The following PDIA6 variants were observed in gnomAD, a reference collection of about 807,000 sequenced individuals.
PDIA6 encodes protein disulfide isomerase family A member 6.
PDIA6 carries 29 observed loss-of-function variants against 58.4 expected under a neutral mutation model. The ratio of observed to expected loss-of-function variants is 0.50; its 90% CI spans 0.37 to 0.68. PDIA6 has a LOEUF of 0.68. PDIA6 is among the 30% of genes least tolerant of loss of function. The pLI, the probability that PDIA6 is intolerant of heterozygous loss-of-function variation, is 0.00. For missense variants in PDIA6, 480 were observed against 551.0 expected (o/e 0.87, Z 1.29); for synonymous variants, 192 against 202.6 (o/e 0.95, Z 0.44).
intron 1 of PDIA6, among the ~76,000 whole-genome samples, chr2:10,803,705 T>C (rs996679928): frequency 1.3e-5 from 2 of 152,034 alleles, no homozygotes; most frequent in Non-Finnish European, 2.9e-5. Context: ...ACCCAAAAGT[T>C]CTCTGAAATG....
Position 10,787,381 on chromosome 2 carries a change from C to T in PDIA6, c.1057G>A (p.Gly353Arg). 1 of 1,614,174 alleles carries T rather than the reference C, an allele frequency of 6.2e-7. No individual in the cohort carries two copies. Among genetic ancestry groups the T allele is most frequent in the Non-Finnish European group, 8.5e-7 (1 of 1,180,034 alleles). ...GCGGCCATGGCGGGGTACCCAAACC[C>T]TCCAATCCCCAACGCGGTCTCAAGT... ...SELETALGIG[G>R]FGYPAMAAIN... Residue 353 changes from glycine (G) to arginine (R), a missense_variant, in exon 11 of 13, where the codon GGG becomes AGG. By Grantham distance (125) the Gly-to-Arg change is moderately radical. Coordinates refer to ENST00000272227, the MANE Select transcript of PDIA6 (RefSeq NM_005742.4).
intron 1 of PDIA6, among the ~76,000 whole-genome samples, chr2:10,824,901 C>T (rs1686491): frequency 0.61 from 92,998 of 152,022 alleles, 28,901 homozygotes; most frequent in East Asian, 0.8. Context: ...TTGGAGGATG[C>T]AAAGTATTGA....
At chr2:10,820,886 T>G (rs1351121876) in intron 1 of PDIA6, 1 of 702,622 alleles carries the variant, frequency 1.4e-6, no homozygotes, top group Non-Finnish European at 2.6e-6. Context: ...GTATCTTCTC[T>G]CCTCTGGAAG....
chr2:10,820,747 A>G (rs753433379), intron 1 of PDIA6: 1 of 702,968 alleles, frequency 1.4e-6, no homozygotes, highest in South Asian at 1.5e-5. Context: ...GCCCGAAGCC[A>G]GGGAGCTGGG....
chr2:10,833,531 C>T (rs548816944), upstream of PDIA6, among the ~76,000 whole-genome samples: 240 of 152,290 alleles, frequency 1.6e-3, no homozygotes, highest in African/African-American at 5.4e-3. Flanking sequence ...CGGGCTCATT[C>T]CCTGACTTCT....
At position 10,788,886 on chromosome 2, in the gene PDIA6, G is replaced by T. The variant is rs41264187; in HGVS notation, c.925+11C>A. ...AGAACAGCTAAGGGAAATCATTTCC[G>T]TCTGTCTTACCAGTATCAAGGATAT... On this transcript the variant is annotated intron_variant, in intron 9 of 12. Transcript: ENST00000272227. 4.4e-6 allele frequency: 7 copies of T among 1,606,496 alleles called. No homozygotes were observed. In the Admixed American group the frequency reaches 1.2e-4, roughly 27 times the overall value.
intron 11 of PDIA6, among the ~76,000 whole-genome samples, chr2:10,786,318 T>TG (rs200685250): frequency 1.6e-3 from 220 of 136,918 alleles, no homozygotes; most frequent in South Asian, 5.4e-3. Context: ...GTCTCGGGGG[T>TG]GGGGGGGAAA....
At chr2:10,788,039 C>T (rs1331058215) in intron 10 of PDIA6, among the ~76,000 whole-genome samples, 2 of 135,690 alleles carry the variant, frequency 1.5e-5, no homozygotes, top group Non-Finnish European at 3.1e-5. Flanking sequence ...GCACTCCACC[C>T]TGGGCAAGAG....
At chr2:10,822,363 T>G (rs1462639065) in intron 1 of PDIA6, among the ~76,000 whole-genome samples, 1 of 150,826 alleles carries the variant, frequency 6.6e-6, no homozygotes, top group Non-Finnish European at 1.5e-5. Context: ...CCCGGGTTCA[T>G]GCCATTCTCC....
In PDIA6 at chr2:10,785,026, G is replaced by A. The variant is rs1379196300; in HGVS notation, c.1162C>T (p.Leu388Phe). The stretch of plus-strand genomic sequence containing the variant: ...GCCGTGGAGCCACGCCCAAAAGAGA[G>A]CTCCCTTAGGGAAAAATGACCAAAA... ...EQGINEFLRE[L>F]SFGRGSTAPV... Residue 388 changes from leucine to phenylalanine, a missense_variant, in exon 12 of 13, where the codon CTC becomes TTC. Leu to Phe is a conservative substitution (Grantham distance 22, BLOSUM62 0). Coordinates refer to ENST00000272227, the MANE Select transcript of PDIA6 (RefSeq NM_005742.4). The A allele has an allele frequency of 2.5e-6, 4 of 1,572,102 alleles. No individual in the cohort carries two copies. Among genetic ancestry groups the A allele is most frequent in the Non-Finnish European group, 3.5e-6 (4 of 1,156,720 alleles).
At chr2:10,818,141 C>G (rs1446660012) in intron 2 of PDIA6, among the ~76,000 whole-genome samples, 2 of 151,828 alleles carry the variant, frequency 1.3e-5, no homozygotes, top group Non-Finnish European at 2.9e-5. Context: ...ACGCACATAA[C>G]ATAAAATAAA....
chr2:10,785,046 C>A lies in PDIA6; in HGVS notation c.1158-16G>T. ...AGAGAGCTCCCTTAGGGAAAAATGA[C>A]CAAAACACACACACACATTTACAAT... On this transcript the variant is annotated splice_polypyrimidine_tract_variant and intron_variant, in intron 11 of 12. Coordinates refer to ENST00000272227, the MANE Select transcript of PDIA6 (RefSeq NM_005742.4). 6.7e-7 allele frequency: 1 copy of A among 1,489,928 alleles called. No individual in the cohort carries two copies. The highest frequency in any genetic ancestry group is 1.4e-5 in the African/African-American group (1 of 72,238). 92.3% of individuals were successfully genotyped at this position (1,489,928 alleles called of 1,614,324 possible).
chr2:10,818,078 G>C (rs1183908430), intron 2 of PDIA6, among the ~76,000 whole-genome samples: 1 of 152,026 alleles, frequency 6.6e-6, no homozygotes, highest in Admixed American at 6.6e-5. Context: ...GTAGAGTCGA[G>C]TCTTATTTTC....
chr2:10,835,812 A>C (rs1323632106), upstream of PDIA6, among the ~76,000 whole-genome samples: 1 of 152,200 alleles, frequency 6.6e-6, no homozygotes, highest in Admixed American at 6.5e-5. Flanking sequence ...GCACTTTAGG[A>C]GACCGAGGCG....
intron 2 of PDIA6, among the ~76,000 whole-genome samples, chr2:10,817,966 G>T (rs73172402): frequency 0.03 from 4,562 of 152,072 alleles, 256 homozygotes; most frequent in African/African-American, 0.11. Flanking sequence ...GAATGAACAG[G>T]GTAGATCCGA....
rs372892140 is a variant in PDIA6, at chr2:10,787,451, G to A, written c.999-12C>T. 2 of 1,604,074 alleles carry A rather than the reference G, an allele frequency of 1.2e-6. No homozygotes were observed. Among genetic ancestry groups the A allele is most frequent in the Non-Finnish European group, 1.7e-6 (2 of 1,174,934 alleles). ...CTGTCCACAGCCACCTAGAAAACCA[G>A]ACTGGTTTTTAGGGCAAATATGTCT... On this transcript the variant is annotated splice_polypyrimidine_tract_variant and intron_variant, in intron 10 of 12. Coordinates refer to ENST00000272227, the MANE Select transcript of PDIA6 (RefSeq NM_005742.4).
intron 7 of PDIA6, 127 bp downstream of exon 7, chr2:10,790,590 CTT>C: frequency 1.5e-6 from 1 of 655,732 alleles, no homozygotes. Context: ...AATAAAGTGA[CTT>C]TATCTCTTCA....
chr2:10,790,657 T>G (rs764274332), intron 7 of PDIA6, 62 bp downstream of exon 7: 10 of 1,188,984 alleles, frequency 8.4e-6, no homozygotes, highest in Non-Finnish European at 1.3e-5. Flanking sequence ...GCCTGGAGTA[T>G]TGGAAGAAGT....
intron 1 of PDIA6, among the ~76,000 whole-genome samples, 154 bp downstream of exon 1, chr2:10,812,524 A>AGCAGCTCCTCCGGACGCCGAGGCCC (rs1443262847): frequency 1.3e-5 from 2 of 151,104 alleles, no homozygotes; most frequent in Non-Finnish European, 3.0e-5. Flanking sequence ...GGGGCAACCT[A>AGCAGCTCCTCCGGACGCCGAGGCCC]GCAGCTCCTC....
Sources: gnomAD v4.1 joint callset for allele counts (sites outside exome capture counted in the v4.1 genomes callset) on GRCh38, gnomAD v4.1.1 for gene constraint, MANE v1.5 for transcripts, NCBI Gene and HGNC (gene_info 2026-07-23, HGNC 2026-07-21) for gene names.